The following CCSER1 variants were observed in gnomAD, a reference collection of about 807,000 sequenced individuals.
CCSER1 encodes serine-rich coiled-coil domain-containing protein 1.
Under a neutral mutation model 82.0 loss-of-function variants are expected in CCSER1, and 41 were observed. The ratio of observed to expected loss-of-function variants is 0.50; its 90% CI spans 0.39 to 0.65. The LOEUF (loss-of-function observed/expected upper bound fraction) is 0.65. Among genes scored for constraint, CCSER1 ranks in the 30% least tolerant of loss-of-function variants. The probability of loss-of-function intolerance (pLI) is 0.00; values close to 1 mark genes in which losing one functional copy is unlikely to be tolerated. For synonymous variants in CCSER1, 414 were observed against 383.9 expected, an observed-to-expected ratio of 1.08 and a Z score of -0.92; for missense variants, 1,119 against 1,064.2, an observed-to-expected ratio of 1.05 and a Z score of -0.72.
chr4:90,309,907 T>A (rs762137332), intron 2 of CCSER1, among the ~76,000 whole-genome samples: 3 of 152,070 alleles, frequency 2.0e-5, no homozygotes, highest in Admixed American at 6.6e-5. Flanking sequence ...CAGAAGAAAG[T>A]GAATGGAAAG....
intron 10 of CCSER1, among the ~76,000 whole-genome samples, chr4:91,261,889 TA>T (rs1428182110): frequency 1.3e-5 from 2 of 152,194 alleles, no homozygotes; most frequent in East Asian, 3.8e-4. Flanking sequence ...CTGTCCAAAA[TA>T]TATGCTTAAT....
chr4:90,153,862 G>C (rs1292925620), intron 1 of CCSER1, among the ~76,000 whole-genome samples: 1 of 152,132 alleles, frequency 6.6e-6, no homozygotes, highest in Non-Finnish European at 1.5e-5. Context: ...AGTTTCTTTT[G>C]CTGTGCAGAA....
intron 5 of CCSER1, among the ~76,000 whole-genome samples, chr4:90,570,952 A>G (rs531676943): frequency 2.6e-5 from 4 of 152,148 alleles, no homozygotes; most frequent in Admixed American, 6.5e-5. Context: ...CTGAAAAAAA[A>G]CATACAAGCA....
intron 10 of CCSER1, among the ~76,000 whole-genome samples, chr4:91,411,237 A>T (rs901821768): frequency 1.3e-5 from 2 of 151,530 alleles, no homozygotes; most frequent in African/African-American, 4.8e-5. Context: ...TCAGTGTTAT[A>T]CCAATTACTT....
intron 6 of CCSER1, among the ~76,000 whole-genome samples, chr4:90,719,629 A>G (rs749005856): frequency 4.0e-5 from 6 of 151,898 alleles, no homozygotes; most frequent in South Asian, 2.1e-4. Context: ...AACATTCCTC[A>G]GTTTAGATTT....
At chr4:91,026,014 G>T (rs911571559) in intron 9 of CCSER1, among the ~76,000 whole-genome samples, 2 of 152,108 alleles carry the variant, frequency 1.3e-5, no homozygotes, top group Non-Finnish European at 2.9e-5. Context: ...CACTGTGCTT[G>T]TGCTTTGACT....
chr4:90,977,050 A>G (rs1227565885), intron 9 of CCSER1, among the ~76,000 whole-genome samples: 1 of 151,644 alleles, frequency 6.6e-6, no homozygotes, highest in Non-Finnish European at 1.5e-5. Flanking sequence ...AAATTTGTTT[A>G]AAATGCTTTA....
intron 10 of CCSER1, among the ~76,000 whole-genome samples, chr4:91,409,282 A>G (rs1341421635): frequency 1.3e-5 from 2 of 152,188 alleles, no homozygotes; most frequent in African/African-American, 4.8e-5. Flanking sequence ...ACCACTTAAT[A>G]TGCCCTTATA....
chr4:90,955,090 C>T (rs1272879601), intron 9 of CCSER1, among the ~76,000 whole-genome samples: 2 of 152,180 alleles, frequency 1.3e-5, no homozygotes, highest in Non-Finnish European at 2.9e-5. Flanking sequence ...TTGTTACCAT[C>T]GAACGTGTTC....
intron 10 of CCSER1, among the ~76,000 whole-genome samples, chr4:91,367,258 A>T (rs1288232827): frequency 6.8e-6 from 1 of 147,334 alleles, no homozygotes; most frequent in Admixed American, 6.8e-5. Context: ...TGGAGGTTGC[A>T]GTGAGCCAAG....
intron 3 of CCSER1, among the ~76,000 whole-genome samples, chr4:90,378,155 C>G (rs1371725534): frequency 6.6e-6 from 1 of 152,106 alleles, no homozygotes; most frequent in Non-Finnish European, 1.5e-5. Context: ...AATCCTAGGT[C>G]TGCTATCACT....
At chr4:91,539,017 A>G (rs1329353926) in intron 10 of CCSER1, among the ~76,000 whole-genome samples, 3 of 151,918 alleles carry the variant, frequency 2.0e-5, no homozygotes, top group African/African-American at 7.2e-5. Context: ...TTTTCTTTCT[A>G]AAGGTCCTTC....
At chr4:91,577,154 A>G (rs1763488959) in intron 10 of CCSER1, among the ~76,000 whole-genome samples, 1 of 152,008 alleles carries the variant, frequency 6.6e-6, no homozygotes, top group Non-Finnish European at 1.5e-5. Context: ...ACAGGCCTTT[A>G]TATCTTTTTT....
intron 9 of CCSER1, among the ~76,000 whole-genome samples, chr4:91,068,318 A>G (rs973998546): frequency 2.6e-5 from 4 of 152,238 alleles, no homozygotes; most frequent in Non-Finnish European, 5.9e-5. Flanking sequence ...AAGTTACAGT[A>G]TGAGACACTG....
chr4:91,141,827 G>A (rs1459857672), intron 10 of CCSER1, among the ~76,000 whole-genome samples: 1 of 152,100 alleles, frequency 6.6e-6, no homozygotes, highest in Non-Finnish European at 1.5e-5. Context: ...TTCTGACTCA[G>A]ATGGTATTTC....
At chr4:91,029,778 A>G (rs1208813184) in intron 9 of CCSER1, among the ~76,000 whole-genome samples, 1 of 152,112 alleles carries the variant, frequency 6.6e-6, no homozygotes, top group African/African-American at 2.4e-5. Context: ...CTGGTGATTA[A>G]ATCAATTAAT....
chr4:91,476,423 T>C (rs900479110), intron 10 of CCSER1, among the ~76,000 whole-genome samples: 3 of 151,740 alleles, frequency 2.0e-5, no homozygotes, highest in Non-Finnish European at 3.0e-5. Flanking sequence ...CTGTTGGCAA[T>C]TTGTGTGTCT....
At chr4:90,991,873 C>T (rs1737063059) in intron 9 of CCSER1, among the ~76,000 whole-genome samples, 1 of 151,998 alleles carries the variant, frequency 6.6e-6, no homozygotes, top group Admixed American at 6.6e-5. Flanking sequence ...TTATTTACCA[C>T]CTACTTACTG....
chr4:90,745,565 C>A (rs1258446743), intron 7 of CCSER1, among the ~76,000 whole-genome samples: 2 of 150,978 alleles, frequency 1.3e-5, no homozygotes, highest in Non-Finnish European at 2.9e-5. Context: ...TATTGAGCTG[C>A]TTGTGTAAGT....
Sources: gnomAD v4.1 joint callset for allele counts (sites outside exome capture counted in the v4.1 genomes callset) on GRCh38, gnomAD v4.1.1 for gene constraint, MANE v1.5 for transcripts, NCBI Gene and HGNC (gene_info 2026-07-23, HGNC 2026-07-21) for gene names.